The following SPINT2 variants were observed in gnomAD, a reference collection of about 807,000 sequenced individuals.
The protein encoded by SPINT2 is kunitz-type protease inhibitor 2.
Under a neutral mutation model 30.1 loss-of-function variants are expected in SPINT2, and 18 were observed. The ratio of observed to expected loss-of-function variants is 0.60; its 90% CI spans 0.41 to 0.89. The LOEUF is 0.89. SPINT2 is among the 40% of genes least tolerant of loss of function. The pLI, the probability that SPINT2 is intolerant of heterozygous loss-of-function variation, is 0.00. For synonymous variants in SPINT2, 139 were observed against 137.9 expected, an observed-to-expected ratio of 1.01 and a Z score of -0.05; for missense variants, 276 against 334.3, an observed-to-expected ratio of 0.83 and a Z score of 1.36.
At chr19:38,283,886 G>C in intron 2 of SPINT2, 89 bp downstream of exon 2, 2 of 1,419,820 alleles carry the variant, frequency 1.4e-6, no homozygotes, top group Non-Finnish European at 1.9e-6. Context: ...CTGTCGCCCA[G>C]GCTGGAGTGC....
chr19:38,288,742 G>T (rs544399737), intron 3 of SPINT2: 2 of 254,716 alleles, frequency 7.9e-6, no homozygotes, highest in East Asian at 1.9e-4. Context: ...TCCTGTGCCT[G>T]TCCTGGCTTT....
intron 1 of SPINT2, among the ~76,000 whole-genome samples, chr19:38,280,177 A>G (rs1219892607): frequency 1.3e-5 from 2 of 152,160 alleles, no homozygotes; most frequent in Non-Finnish European, 2.9e-5. Flanking sequence ...CATCCAAGCT[A>G]GAAGAGGCAC....
chr19:38,265,969 A>C (rs542656003), intron 1 of SPINT2, among the ~76,000 whole-genome samples: 1 of 152,332 alleles, frequency 6.6e-6, no homozygotes, highest in East Asian at 1.9e-4. Flanking sequence ...AACCAGGTGA[A>C]GTACACCAAC....
Position 38,264,972 on chromosome 19 carries a change from C to A in SPINT2, c.80C>A (p.Ala27Glu), listed in dbSNP as rs1284706040. ...TCGCTGCTCCTCTCTGGGGTCCTGG[C>A]GGCCGACCGAGAACGCAGCATCCAC... ...LGSLLLSGVL[A>E]ADRERSIHDF... Residue 27 changes from alanine to glutamate, a missense_variant, in exon 1 of 7, where the codon GCG becomes GAG. By Grantham distance (107) the Ala-to-Glu change is moderately radical (BLOSUM62 -1). Coordinates refer to ENST00000301244, the MANE Select transcript of SPINT2 (RefSeq NM_021102.4). The A allele has an allele frequency of 5.9e-6, 9 of 1,533,948 alleles. No homozygotes were observed. Among genetic ancestry groups the A allele is most frequent in the Non-Finnish European group, 7.9e-6 (9 of 1,144,674 alleles).
chr19:38,277,545 G>T (rs1968535108), intron 1 of SPINT2, among the ~76,000 whole-genome samples: 1 of 152,150 alleles, frequency 6.6e-6, no homozygotes, highest in Non-Finnish European at 1.5e-5. Flanking sequence ...TAGTACTTGG[G>T]ACCCCTCAGA....
At position 38,265,005 on chromosome 19, in the gene SPINT2, G is replaced by C. The variant is rs772783551; in HGVS notation, c.106+7G>C. 1.3e-6 allele frequency: 2 copies of C among 1,530,670 alleles called. No individual in the cohort carries two copies. The highest frequency in any genetic ancestry group is 2.4e-5 in the South Asian group (2 of 83,546). The allele number at this position is 1,530,670 out of a possible 1,614,324, so 94.8% of individuals were successfully genotyped here. A position where few individuals can be genotyped will look rare whatever the true frequency, so the allele number is the denominator to read the frequency against. ...CGAGAACGCAGCATCCACGGTGAGG[G>C]CCGGGCGGGTAGGCTGGAGGCGGGG... On this transcript the variant is annotated splice_region_variant and intron_variant, in intron 1 of 6. Transcript: ENST00000301244.
intron 1 of SPINT2, among the ~76,000 whole-genome samples, chr19:38,273,189 C>T (rs1054516926): frequency 7.9e-5 from 12 of 151,876 alleles, no homozygotes; most frequent in African/African-American, 2.7e-4. Flanking sequence ...TGAATTGTCT[C>T]AATAATGAAA....
At position 38,288,019 on chromosome 19, in the gene SPINT2, C is replaced by T; in HGVS notation, c.337+84C>T. ...GACACTTGTCATTTGGGAACTGTCA[C>T]AGGCTTCCCTCTCATGGTTCTGTTT... On this transcript the variant is annotated intron_variant, in intron 3 of 6. Coordinates refer to ENST00000301244, the MANE Select transcript of SPINT2 (RefSeq NM_021102.4). The T allele has an allele frequency of 2.7e-6, 4 of 1,489,380 alleles. No homozygotes were observed. The Admixed American group carries it at 5.0e-5, about 19-fold the overall frequency. The allele number at this position is 1,489,380 out of a possible 1,614,324, so 92.3% of individuals were successfully genotyped here. A position where few individuals can be genotyped will look rare whatever the true frequency, so the allele number is the denominator to read the frequency against.
chr19:38,287,758 G>T (rs1968659804), intron 2 of SPINT2, 118 bp from the exon 3 acceptor site: 6 of 1,075,644 alleles, frequency 5.6e-6, no homozygotes, highest in South Asian at 2.5e-5. Context: ...CACATTGAAG[G>T]TCCCATGTAA....
chr19:38,270,493 G>C (rs1302533536), intron 1 of SPINT2, among the ~76,000 whole-genome samples: 1 of 152,216 alleles, frequency 6.6e-6, no homozygotes, highest in Non-Finnish European at 1.5e-5. Context: ...GAGGAAGACA[G>C]TACAATAAAT....
chr19:38,278,253 T>A (rs1213995574), intron 1 of SPINT2, among the ~76,000 whole-genome samples: 2 of 152,158 alleles, frequency 1.3e-5, no homozygotes, highest in African/African-American at 2.4e-5. Context: ...GAGGAATGTT[T>A]TGGCTTTTAG....
At chr19:38,265,521 G>A (rs1968367908) in intron 1 of SPINT2, 1 of 152,854 alleles carries the variant, frequency 6.5e-6, no homozygotes, top group Non-Finnish European at 1.5e-5. Flanking sequence ...GCCCGAGAAG[G>A]AGGGAGCAAG....
intron 4 of SPINT2, chr19:38,289,763 T>C: frequency 2.7e-6 from 1 of 369,296 alleles, no homozygotes; most frequent in South Asian, 2.3e-5. Flanking sequence ...ACATTGTCCC[T>C]GAACCTCTCG....
At position 38,264,707 on chromosome 19, in the gene SPINT2, G is replaced by GCGTC; in HGVS notation, c.-184_-181dup. The GCGTC allele has an allele frequency of 1.6e-6, 1 of 606,782 alleles. No homozygotes were observed. Among genetic ancestry groups the GCGTC allele is most frequent in the Non-Finnish European group, 2.9e-6 (1 of 349,658 alleles). The allele number at this position is 606,782 out of a possible 1,614,324, so 37.6% of individuals were successfully genotyped here. ...AGGCATCGCGCGCCGAGAAGGCCGG[G>GCGTC]CGTCCCCACACTGAAGGTCCGGAAA... On this transcript the variant is annotated 5_prime_UTR_variant, in exon 1 of 7. Transcript: ENST00000301244.
intron 1 of SPINT2, among the ~76,000 whole-genome samples, chr19:38,272,503 T>G (rs1333039552): frequency 6.6e-6 from 1 of 152,128 alleles, no homozygotes; most frequent in Non-Finnish European, 1.5e-5. Context: ...GGTCCATGAT[T>G]TGCACAAGGT....
At chr19:38,281,214 G>A (rs112398169) in intron 1 of SPINT2, among the ~76,000 whole-genome samples, 1,752 of 152,226 alleles carry the variant, frequency 0.012, 41 homozygotes, top group African/African-American at 0.041. Context: ...TGTTCCAGGT[G>A]TACAGCCAGC....
At chr19:38,289,267 T>G in intron 4 of SPINT2, 76 bp downstream of exon 4, 1 of 1,285,592 alleles carries the variant, frequency 7.8e-7, no homozygotes, top group Non-Finnish European at 1.1e-6. Context: ...GGTGGGCGGA[T>G]CACGAGGTCA....
intron 2 of SPINT2, among the ~76,000 whole-genome samples, chr19:38,287,047 A>T (rs2146277282): frequency 6.6e-6 from 1 of 151,942 alleles, no homozygotes; most frequent in South Asian, 2.1e-4. Context: ...ACGGAGTTTC[A>T]CTCTTGTTGC....
chr19:38,281,276 AT>A (rs919213204), intron 1 of SPINT2, among the ~76,000 whole-genome samples: 10 of 151,872 alleles, frequency 6.6e-5, no homozygotes, highest in Middle Eastern at 3.4e-3. Context: ...TAAAAAAAAA[AT>A]TTTTTTTCTG....
Sources: allele counts gnomAD v4.1 joint callset (sites outside exome capture counted in the v4.1 genomes callset), GRCh38; gene constraint gnomAD v4.1.1; transcripts MANE v1.5; gene names NCBI Gene and HGNC (gene_info 2026-07-23, HGNC 2026-07-21).